The following NEK9 variants were observed in gnomAD, a reference collection of about 807,000 sequenced individuals.
The protein encoded by NEK9 is NIMA related kinase 9, also known as serine/threonine-protein kinase Nek9.
In NEK9, 75 loss-of-function variants were observed where a neutral mutation model predicts 123.4. The observed-to-expected ratio is 0.61, with a 90% CI of 0.50 to 0.74. NEK9 has a LOEUF of 0.74. NEK9 is among the 30% of genes least tolerant of loss of function. The pLI is 0.00. For missense variants in NEK9, 952 were observed against 1,214.4 expected (o/e 0.78, Z 3.21); for synonymous variants, 438 against 458.7 (o/e 0.95, Z 0.58).
At chr14:75,092,754 G>A (rs935415976) in intron 18 of NEK9, among the ~76,000 whole-genome samples, 1 of 151,710 alleles carries the variant, frequency 6.6e-6, no homozygotes, top group Non-Finnish European at 1.5e-5. Flanking sequence ...TAATTAAGAA[G>A]ATTAATCTGT....
chr14:75,084,999 T>A (rs901907699), intron 21 of NEK9: 10 of 290,530 alleles, frequency 3.4e-5, no homozygotes, highest in African/African-American at 2.1e-4. Flanking sequence ...GCTGCCAATC[T>A]TACCTTGTGT....
At chr14:75,120,438 G>A in intron 4 of NEK9, 72 bp downstream of exon 4, 1 of 990,938 alleles carries the variant, frequency 1.0e-6, no homozygotes, top group Non-Finnish European at 1.6e-6. Flanking sequence ...TAAAAGTGTT[G>A]TTGGGGGGGT....
chr14:75,088,434 G>C, intron 20 of NEK9, 46 bp downstream of exon 20: 2 of 1,591,282 alleles, frequency 1.3e-6, no homozygotes, highest in South Asian at 2.2e-5. Flanking sequence ...AGAGCTTGCA[G>C]TGACTGTTTA....
intron 6 of NEK9, among the ~76,000 whole-genome samples, chr14:75,114,621 T>C (rs1215137171): frequency 6.6e-6 from 1 of 152,220 alleles, no homozygotes; most frequent in Non-Finnish European, 1.5e-5. Context: ...GCCATCCTTG[T>C]TGGCTTCATG....
At chr14:75,127,053 C>A (rs974277342), upstream of NEK9, 5 of 665,500 alleles carry the variant, frequency 7.5e-6, no homozygotes, top group East Asian at 1.7e-4. Context: ...GATGGTGGCT[C>A]CTGCCCCCCG....
chr14:75,087,840 C>T (rs1894077869), intron 20 of NEK9, among the ~76,000 whole-genome samples: 1 of 152,148 alleles, frequency 6.6e-6, no homozygotes, highest in Non-Finnish European at 1.5e-5. Flanking sequence ...CAATTCTGGC[C>T]CACTGCCTGT....
At chr14:75,092,079 A>G (rs1327913840) in intron 18 of NEK9, among the ~76,000 whole-genome samples, 2 of 151,840 alleles carry the variant, frequency 1.3e-5, no homozygotes, top group Non-Finnish European at 2.9e-5. Flanking sequence ...TCCCAGGTTC[A>G]AGCAATTCTC....
chr14:75,120,428 T>G (rs1566659952), intron 4 of NEK9, 82 bp downstream of exon 4: 1 of 893,566 alleles, frequency 1.1e-6, no homozygotes, highest in African/African-American at 1.7e-5. Flanking sequence ...ACCAAGAAAA[T>G]AAAAGTGTTG....
upstream of NEK9, chr14:75,127,109 C>T (rs917148618): frequency 2.4e-5 from 13 of 539,888 alleles, no homozygotes; most frequent in Non-Finnish European, 4.2e-5. Flanking sequence ...GAGTTTCCTC[C>T]GCCTTTGCTT....
chr14:75,110,889 T>G (rs1894938433), intron 8 of NEK9, among the ~76,000 whole-genome samples: 1 of 152,158 alleles, frequency 6.6e-6, no homozygotes, highest in Non-Finnish European at 1.5e-5. Flanking sequence ...GTTCTACAGA[T>G]TCTACCTATA....
chr14:75,095,283 T>C, intron 18 of NEK9, 89 bp downstream of exon 18: 1 of 820,852 alleles, frequency 1.2e-6, no homozygotes, highest in East Asian at 2.5e-5. Context: ...ACATTTCCCA[T>C]TTTCCTTTGG....
At chr14:75,095,920 A>G (rs920165829) in intron 17 of NEK9, among the ~76,000 whole-genome samples, 30 of 152,170 alleles carry the variant, frequency 2.0e-4, no homozygotes, top group African/African-American at 7.2e-4. Flanking sequence ...AACATTGCAT[A>G]GGTCTGTAGG....
chr14:75,126,665 C>G, intron 1 of NEK9, 38 bp downstream of exon 1: 6 of 1,368,516 alleles, frequency 4.4e-6, no homozygotes, highest in Non-Finnish European at 5.7e-6. Context: ...GGCGACCCGA[C>G]AGCGCCAGAC....
At position 75,082,714 on chromosome 14, in the gene NEK9, A is replaced by G. The variant is rs1893901926; in HGVS notation, c.*1850T>C. ...AGCAATCCTCATGATGAACACCCAA[A>G]CTGACCCAGCCTCTCAGGCCTGCTG... On this transcript the variant is annotated 3_prime_UTR_variant, in exon 22 of 22. Transcript: ENST00000238616. The G allele has an allele frequency of 2.9e-6, 1 of 339,676 alleles. No homozygotes were observed. Among genetic ancestry groups the G allele is most frequent in the Non-Finnish European group, 5.3e-6 (1 of 189,004 alleles). 21.0% of individuals were successfully genotyped at this position (339,676 alleles called of 1,614,324 possible).
rs941206532 is a variant in NEK9 at position 75,121,032 on chromosome 14, T to C, written c.453+87A>G. 6 of 1,098,936 alleles carry C rather than the reference T, an allele frequency of 5.5e-6. No homozygotes were observed. The African/African-American group carries it at 9.2e-5, about 17-fold the overall frequency. The allele number at this position is 1,098,936 out of a possible 1,614,324, so 68.1% of individuals were successfully genotyped here. A position where few individuals can be genotyped will look rare whatever the true frequency, so the allele number is the denominator to read the frequency against. On this transcript the variant is annotated intron_variant, in intron 3 of 21. Transcript: ENST00000238616. ...TCTGAACAAAAGGAAAAAAACACTC[T>C]TCACTATTGGAAGAGTAAATACAGA... is the stretch of plus-strand genomic sequence containing the variant.
intron 9 of NEK9, 62 bp downstream of exon 9, chr14:75,110,259 A>G: frequency 7.6e-7 from 1 of 1,324,210 alleles, no homozygotes; most frequent in Non-Finnish European, 1.1e-6. Flanking sequence ...CCTACACTCA[A>G]GAAAGAACCC....
At chr14:75,101,276 C>T in intron 15 of NEK9, 123 bp from the exon 16 acceptor site, 2 of 1,053,462 alleles carry the variant, frequency 1.9e-6, no homozygotes, top group East Asian at 2.6e-5. Flanking sequence ...TAAAACTAGC[C>T]ACATGATCCT....
At chr14:75,117,104 T>C in intron 6 of NEK9, 91 bp downstream of exon 6, 1 of 1,422,222 alleles carries the variant, frequency 7.0e-7, no homozygotes, top group Non-Finnish European at 9.4e-7. Context: ...TTGCCAGAAA[T>C]CAGAAGCCTG....
At position 75,079,586 on chromosome 14, in the gene NEK9, T is replaced by C. The variant is rs1043493929; in HGVS notation, c.*4978A>G. 4 of 152,264 alleles carry C rather than the reference T, an allele frequency of 2.6e-5. No homozygotes were observed. The highest frequency in any genetic ancestry group is 9.6e-5 in the African/African-American group (4 of 41,474). The allele number at this position is 152,264 out of a possible 1,614,324, so 9.4% of individuals were successfully genotyped here. On this transcript the variant is annotated 3_prime_UTR_variant, in exon 22 of 22. Transcript: ENST00000238616. ...AGGTCACAAAATGGCAACATGTGGATTGCTTTGCTCCACAGATGTTTTATT... is the reference window on the plus strand; with the variant it reads ...AGGTCACAAAATGGCAACATGTGGACTGCTTTGCTCCACAGATGTTTTATT...
Sources: allele counts gnomAD v4.1 joint callset (sites outside exome capture counted in the v4.1 genomes callset), GRCh38; gene constraint gnomAD v4.1.1; transcripts MANE v1.5; gene names NCBI Gene and HGNC (gene_info 2026-07-23, HGNC 2026-07-21).